Variants in RABEP1 observed in about 807,000 individuals in gnomAD.
RABEP1 encodes rab GTPase-binding effector protein 1.
A neutral mutation model predicts 123.4 loss-of-function variants in RABEP1; 51 were observed. The observed-to-expected ratio is 0.41, with a 90% CI of 0.33 to 0.52. The LOEUF is 0.52. Among genes scored for constraint, RABEP1 ranks in the 20% least tolerant of loss-of-function variants. The pLI is 0.16. For synonymous variants in RABEP1, 347 were observed against 355.2 expected, an observed-to-expected ratio of 0.98 and a Z score of 0.26; for missense variants, 888 against 996.3, an observed-to-expected ratio of 0.89 and a Z score of 1.46.
At chr17:5,288,232 T>G (rs7212681) in intron 1 of RABEP1, among the ~76,000 whole-genome samples, 92,982 of 151,672 alleles carry the variant, frequency 0.61, 30,207 homozygotes, top group East Asian at 0.96. Context: ...GCAGGACTCC[T>G]GGTTTTGGAG....
chr17:5,334,557 G>A (rs1375033288), intron 3 of RABEP1, among the ~76,000 whole-genome samples: 1 of 152,142 alleles, frequency 6.6e-6, no homozygotes, highest in African/African-American at 2.4e-5. Context: ...GTAGAGATGG[G>A]GTTTTGCCAT....
intron 13 of RABEP1, 39 bp downstream of exon 13, chr17:5,373,493 A>G: frequency 6.4e-7 from 1 of 1,564,678 alleles, no homozygotes; most frequent in Non-Finnish European, 8.7e-7. Context: ...GTCAACAAGT[A>G]CGTTTTCTGA....
chr17:5,295,388 C>CAA (rs34686821), intron 1 of RABEP1, among the ~76,000 whole-genome samples: 50 of 120,398 alleles, frequency 4.2e-4, no homozygotes, highest in African/African-American at 5.0e-4. Flanking sequence ...GATTCCGTCT[C>CAA]AAAAAAAAAA....
At chr17:5,382,486 C>T (rs1479212264) in intron 17 of RABEP1, among the ~76,000 whole-genome samples, 2 of 151,332 alleles carry the variant, frequency 1.3e-5, no homozygotes, top group South Asian at 2.1e-4. Context: ...TGGTGGCTCA[C>T]GCCTATAATC....
At position 5,352,187 on chromosome 17, in the gene RABEP1, G is replaced by A. The variant is rs899340138; in HGVS notation, c.963+1558G>A. Among the ~76,000 whole-genome samples the A allele has an allele frequency of 7.3e-5, 11 of 151,610 alleles. 1 individual carries two copies. Among genetic ancestry groups the A allele is most frequent in the African/African-American group, 2.7e-4 (11 of 41,326 alleles). ...TTGTGTGTAGTCAAAGCCAACATAA[G>A]GATTTTTTTTTTTCTTTTTTTTGAG... On this transcript the variant is annotated intron_variant, in intron 7 of 17. Transcript: ENST00000537505.
chr17:5,318,317 A>G (rs762901710), intron 2 of RABEP1, among the ~76,000 whole-genome samples: 3 of 152,286 alleles, frequency 2.0e-5, no homozygotes, highest in East Asian at 3.9e-4. Context: ...AGGACACCCA[A>G]TGGGAGTATG....
chr17:5,339,898 C>G (rs1323091282), intron 5 of RABEP1, among the ~76,000 whole-genome samples: 1 of 151,962 alleles, frequency 6.6e-6, no homozygotes, highest in East Asian at 1.9e-4. Flanking sequence ...TGTAGTATCA[C>G]AAAGATAGGA....
At chr17:5,342,354 T>C (rs1023139463) in intron 5 of RABEP1, among the ~76,000 whole-genome samples, 7 of 152,178 alleles carry the variant, frequency 4.6e-5, no homozygotes, top group African/African-American at 1.7e-4. Context: ...GATAGAGCAT[T>C]GGGCCGGGTG....
chr17:5,356,335 G>A (rs577195686), intron 8 of RABEP1, among the ~76,000 whole-genome samples: 29 of 152,132 alleles, frequency 1.9e-4, no homozygotes, highest in Non-Finnish European at 3.1e-4. Flanking sequence ...CAGCCTGGAT[G>A]ACAGTGAGAT....
chr17:5,370,074 A>T (rs1236340572), intron 12 of RABEP1, among the ~76,000 whole-genome samples: 1 of 152,228 alleles, frequency 6.6e-6, no homozygotes, highest in Non-Finnish European at 1.5e-5. Flanking sequence ...AATGTGTGTC[A>T]GTGACACTGG....
chr17:5,322,115 G>A (rs776876120), intron 2 of RABEP1, among the ~76,000 whole-genome samples: 11 of 152,098 alleles, frequency 7.2e-5, no homozygotes, highest in African/African-American at 2.4e-4. Flanking sequence ...CAGGAGAACC[G>A]CTTGAACCCA....
chr17:5,325,526 G>A (rs1905883838), intron 2 of RABEP1, among the ~76,000 whole-genome samples: 1 of 152,096 alleles, frequency 6.6e-6, no homozygotes, highest in Admixed American at 6.6e-5. Flanking sequence ...CAGGGAAAGC[G>A]GGGGTCTGGG....
Position 5,338,048 on chromosome 17 carries a change from C to T in RABEP1, c.558C>T (p.Ser186=), listed in dbSNP as rs750797132. The T allele has an allele frequency of 8.7e-6, 14 of 1,613,050 alleles. No individual in the cohort carries two copies. Among genetic ancestry groups the T allele is most frequent in the Admixed American group, 5.0e-5 (3 of 59,936 alleles). ...KAQEDAEKLR[S]VVMPMEKEIA... is the part of the protein sequence containing the mutation. Reference sequence around the variant, plus strand: ...AAGAGGATGCTGAGAAACTTCGGTCCGTTGTGATGCCAATGGAAAAGGAAA... The same window carrying T: ...AAGAGGATGCTGAGAAACTTCGGTCTGTTGTGATGCCAATGGAAAAGGAAA... The change falls in exon 5 of 18, where the codon TCC becomes TCT. Residue 186 remains serine, a synonymous_variant. Transcript: ENST00000537505.
chr17:5,313,028 T>C (rs570011184), intron 2 of RABEP1, among the ~76,000 whole-genome samples: 2 of 152,238 alleles, frequency 1.3e-5, no homozygotes, highest in South Asian at 4.2e-4. Context: ...GAGAATTGCT[T>C]GAACCCAGGA....
At position 5,308,746 on chromosome 17, in the gene RABEP1, A is replaced by C; in HGVS notation, c.87A>C (p.Leu29Phe). The C allele has an allele frequency of 1.2e-6, 2 of 1,612,824 alleles. No homozygotes were observed. Among genetic ancestry groups the C allele is most frequent in the Non-Finnish European group, 1.7e-6 (2 of 1,179,200 alleles). The change falls in exon 2 of 18, where the codon TTA becomes TTC. Residue 29 changes from leucine to phenylalanine, a missense_variant. Leu to Phe is a conservative substitution (Grantham distance 22). Coordinates refer to ENST00000537505, the MANE Select transcript of RABEP1 (RefSeq NM_004703.6). ...TGGAAAAAATTAATGCAGAATTTTTACGTGCACAACAGCAGCTTGAACAAG... is the reference window on the plus strand; with the variant it reads ...TGGAAAAAATTAATGCAGAATTTTTCCGTGCACAACAGCAGCTTGAACAAG... The part of the protein sequence containing the change: ...AELEKINAEF[L>F]RAQQQLEQEF...
intron 7 of RABEP1, among the ~76,000 whole-genome samples, chr17:5,351,794 C>T (rs867829073): frequency 2.0e-5 from 3 of 152,158 alleles, no homozygotes; most frequent in Non-Finnish European, 2.9e-5. Context: ...AAAGCAAGAT[C>T]CTATCTCAAA....
chr17:5,344,560 C>T (rs1907901461), intron 5 of RABEP1, among the ~76,000 whole-genome samples: 1 of 151,886 alleles, frequency 6.6e-6, no homozygotes, highest in South Asian at 2.1e-4. Flanking sequence ...ATCACGAGGT[C>T]AGGAGATGGA....
chr17:5,365,630 C>A (rs988749185), intron 11 of RABEP1, among the ~76,000 whole-genome samples: 43 of 152,080 alleles, frequency 2.8e-4, no homozygotes, highest in African/African-American at 1.0e-3. Context: ...TGTGTAACCA[C>A]CATTGAGATC....
intron 2 of RABEP1, among the ~76,000 whole-genome samples, chr17:5,317,543 A>G (rs2075310095): frequency 2.6e-5 from 4 of 152,106 alleles, no homozygotes; most frequent in Admixed American, 2.6e-4. Context: ...ACTTCTGTTC[A>G]ACATCTAGAA....
Sources: gnomAD v4.1 joint callset for allele counts (sites outside exome capture counted in the v4.1 genomes callset) on GRCh38, gnomAD v4.1.1 for gene constraint, MANE v1.5 for transcripts, NCBI Gene and HGNC (gene_info 2026-07-23, HGNC 2026-07-21) for gene names.